Variants in NDST3 observed in about 807,000 individuals in gnomAD.
The protein encoded by NDST3 is N-deacetylase and N-sulfotransferase 3.
Under a neutral mutation model 96.1 loss-of-function variants are expected in NDST3, and 58 were observed. The observed-to-expected ratio is 0.60, with a 90% confidence interval of 0.49 to 0.75. NDST3 has a LOEUF of 0.75. NDST3 is among the 30% of genes least tolerant of loss of function. NDST3 has a pLI of 0.00. For missense variants in NDST3, 788 were observed against 1,034.2 expected, an observed-to-expected ratio of 0.76 and a Z score of 3.27; for synonymous variants, 333 against 359.7, an observed-to-expected ratio of 0.93 and a Z score of 0.84.
At chr4:118,085,281 A>G (rs1403703463) in intron 2 of NDST3, among the ~76,000 whole-genome samples, 2 of 152,172 alleles carry the variant, frequency 1.3e-5, no homozygotes, top group African/African-American at 4.8e-5. Context: ...AGCGCTCTCA[A>G]AAATGCTCCA....
intron 5 of NDST3, 44 bp from the exon 6 acceptor site, chr4:118,143,512 G>GA (rs541601885): frequency 0.021 from 16,523 of 792,696 alleles, no homozygotes; most frequent in East Asian, 0.023. Flanking sequence ...CAAATTGATT[G>GA]GAAAAAAAAA....
intron 8 of NDST3, among the ~76,000 whole-genome samples, chr4:118,229,763 T>C (rs909682509): frequency 2.6e-5 from 4 of 152,326 alleles, no homozygotes; most frequent in South Asian, 4.1e-4. Flanking sequence ...ATAATGGCAA[T>C]ACTTATTTCC....
chr4:118,117,933 G>C (rs965085753), intron 4 of NDST3, among the ~76,000 whole-genome samples: 1 of 152,090 alleles, frequency 6.6e-6, no homozygotes, highest in Non-Finnish European at 1.5e-5. Context: ...GAACTCACAG[G>C]GCAACTTTTC....
At chr4:118,180,467 T>C (rs1232474695) in intron 6 of NDST3, among the ~76,000 whole-genome samples, 1 of 152,188 alleles carries the variant, frequency 6.6e-6, no homozygotes. Flanking sequence ...TAATATTCTG[T>C]GGTGTCCCTC....
chr4:118,201,054 T>C (rs1738046784), intron 6 of NDST3, among the ~76,000 whole-genome samples: 1 of 152,232 alleles, frequency 6.6e-6, no homozygotes, highest in East Asian at 1.9e-4. Context: ...TTTCTGTTTC[T>C]GCATTAATTT....
At chr4:118,251,789 A>T (rs1741756181) in intron 12 of NDST3, among the ~76,000 whole-genome samples, 1 of 152,140 alleles carries the variant, frequency 6.6e-6, no homozygotes, top group African/African-American at 2.4e-5. Context: ...TTACATTTTT[A>T]TATGTACTTT....
chr4:118,253,377 T>C (rs1741882770), intron 12 of NDST3, 122 bp from the exon 13 acceptor site: 3 of 577,376 alleles, frequency 5.2e-6, no homozygotes, highest in South Asian at 2.8e-5. Flanking sequence ...TGGTTATAGA[T>C]TGTTATCCAA....
intron 6 of NDST3, among the ~76,000 whole-genome samples, chr4:118,157,761 G>C (rs1176797284): frequency 2.0e-5 from 3 of 151,946 alleles, no homozygotes; most frequent in African/African-American, 7.3e-5. Context: ...TTTACATATA[G>C]TCAAAATAAT....
chr4:118,155,537 TA>T (rs767527637), intron 6 of NDST3, among the ~76,000 whole-genome samples: 1 of 152,236 alleles, frequency 6.6e-6, no homozygotes, highest in Non-Finnish European at 1.5e-5. Flanking sequence ...TACTTGTTTT[TA>T]TTACTCTTTC....
intron 3 of NDST3, among the ~76,000 whole-genome samples, chr4:118,112,938 A>G (rs1404907170): frequency 6.6e-6 from 1 of 151,950 alleles, no homozygotes; most frequent in African/African-American, 2.4e-5. Context: ...ACATAATGTC[A>G]CCTCTGCCAC....
At position 118,187,847 on chromosome 4, in the gene NDST3, G is replaced by T. The variant is rs896374539; in HGVS notation, c.1540-36644G>T. On this transcript the variant is annotated intron_variant, in intron 6 of 13. Coordinates refer to ENST00000296499, the MANE Select transcript of NDST3 (RefSeq NM_004784.3). ...CAAGACTGTGGAATGACCCTTCTCA[G>T]TTGTGAGATTATGAAGCCAAGACTC... Among the ~76,000 whole-genome samples the T allele has an allele frequency of 2.0e-5, 3 of 152,172 alleles. No individual in the cohort carries two copies. The East Asian group carries it at 5.8e-4, about 29-fold the overall frequency.
intron 1 of NDST3, among the ~76,000 whole-genome samples, chr4:118,049,503 G>T (rs917591109): frequency 1.3e-5 from 2 of 151,586 alleles, no homozygotes; most frequent in Non-Finnish European, 1.5e-5. Context: ...AAAATAAAGA[G>T]AATATCCAAA....
At chr4:118,066,469 ATGT>A (rs1560618832) in intron 2 of NDST3, among the ~76,000 whole-genome samples, 5 of 32,154 alleles carry the variant, frequency 1.6e-4, no homozygotes, top group African/African-American at 3.6e-4. Flanking sequence ...TACATTATAT[ATGT>A]TATATATTAT....
At chr4:118,137,963 T>C in intron 4 of NDST3, 91 bp from the exon 5 acceptor site, 2 of 1,063,340 alleles carry the variant, frequency 1.9e-6, no homozygotes, top group African/African-American at 1.6e-5. Flanking sequence ...CATTTAAATA[T>C]ATATATTTAC....
chr4:118,086,976 T>G (rs1021401104), intron 2 of NDST3, among the ~76,000 whole-genome samples: 1 of 152,260 alleles, frequency 6.6e-6, no homozygotes, highest in African/African-American at 2.4e-5. Context: ...TTTTATGGTC[T>G]AAGAAAAATG....
intron 1 of NDST3, among the ~76,000 whole-genome samples, chr4:118,036,979 C>T (rs1387849350): frequency 1.4e-5 from 2 of 146,102 alleles, no homozygotes; most frequent in African/African-American, 5.2e-5. Context: ...ACATGTGTTT[C>T]ATTGCTGAAT....
chr4:118,241,512 T>C (rs76725168), intron 11 of NDST3, among the ~76,000 whole-genome samples: 2 of 151,792 alleles, frequency 1.3e-5, no homozygotes, highest in Admixed American at 1.3e-4. Flanking sequence ...AGCAACTTCT[T>C]CTTAGTTTCT....
chr4:118,190,558 A>T (rs1039696618), intron 6 of NDST3, among the ~76,000 whole-genome samples: 1 of 152,152 alleles, frequency 6.6e-6, no homozygotes, highest in Non-Finnish European at 1.5e-5. Flanking sequence ...AGGACTATGA[A>T]GGGTAGGGCC....
At chr4:118,107,874 G>C (rs977884084) in intron 3 of NDST3, among the ~76,000 whole-genome samples, 5 of 152,128 alleles carry the variant, frequency 3.3e-5, no homozygotes, top group African/African-American at 1.2e-4. Flanking sequence ...ATAGTAATGG[G>C]TAACTATGAA....
Sources: gnomAD v4.1 joint callset for allele counts (sites outside exome capture counted in the v4.1 genomes callset) on GRCh38, gnomAD v4.1.1 for gene constraint, MANE v1.5 for transcripts, NCBI Gene and HGNC (gene_info 2026-07-23, HGNC 2026-07-21) for gene names.